Variants in DEFB124 observed in about 807,000 individuals in gnomAD.
DEFB124 encodes beta-defensin 124.
For missense variants in DEFB124, 78 were observed against 83.1 expected (o/e 0.94, Z 0.24); for synonymous variants, 38 against 36.5 (o/e 1.04, Z -0.15).
intron 1 of DEFB124, among the ~76,000 whole-genome samples, chr20:31,473,873 C>T (rs1372821573): frequency 6.6e-6 from 1 of 152,212 alleles, no homozygotes; most frequent in Non-Finnish European, 1.5e-5. Context: ...GATTCTAACA[C>T]ACCGCCAAAG....
chr20:31,471,025 C>A (rs1345751820), intron 2 of DEFB124, among the ~76,000 whole-genome samples: 1 of 144,128 alleles, frequency 6.9e-6, no homozygotes, highest in Non-Finnish European at 1.5e-5. Context: ...CACCTCCCTC[C>A]CGGACGGGGC....
At chr20:31,472,451 G>GAGGGGAT (rs1568758993) in intron 2 of DEFB124, 1 of 145,604 alleles carries the variant, frequency 6.9e-6, no homozygotes, top group East Asian at 2.1e-4. Flanking sequence ...GGAGAGGGGA[G>GAGGGGAT]AGGGGAGAGG....
At position 31,472,945 on chromosome 20, in the gene DEFB124, G is replaced by A. The variant is rs763994891; in HGVS notation, c.58+11C>T. 3.7e-6 allele frequency: 6 copies of A among 1,610,696 alleles called. No homozygotes were observed. The highest frequency in any genetic ancestry group is 1.7e-5 in the Admixed American group (1 of 59,824). The stretch of plus-strand genomic sequence containing the variant: ...CACACACACACACACACATGCACAC[G>A]ATGTTGTTACCTGATGGCACATGAC... On this transcript the variant is annotated intron_variant, in intron 2 of 2. Coordinates refer to ENST00000317676, the MANE Select transcript of DEFB124 (RefSeq NM_001037500.2).
At chr20:31,473,290 G>T (rs1334022315) in intron 1 of DEFB124, among the ~76,000 whole-genome samples, 1 of 152,174 alleles carries the variant, frequency 6.6e-6, no homozygotes, top group African/African-American at 2.4e-5. Context: ...TCAGAAACTA[G>T]ACATCTTCCC....
intron 2 of DEFB124, among the ~76,000 whole-genome samples, chr20:31,471,646 C>A (rs1440344522): frequency 7.0e-6 from 1 of 142,748 alleles, no homozygotes; most frequent in African/African-American, 2.7e-5. Context: ...ACTTCTCAGA[C>A]GGGGCAGCTG....
chr20:31,474,585 A>T (rs1294080497), intron 1 of DEFB124, among the ~76,000 whole-genome samples, 42 bp downstream of exon 1: 1 of 152,188 alleles, frequency 6.6e-6, no homozygotes, highest in Non-Finnish European at 1.5e-5. Context: ...GGCCCCTTGG[A>T]TGGCCGACGT....
intron 2 of DEFB124, 31 bp downstream of exon 2, chr20:31,472,917 GCACACACA>G (rs34150499): frequency 3.9e-6 from 6 of 1,524,350 alleles, no homozygotes; most frequent in African/African-American, 2.8e-5. Flanking sequence ...GCACACATGT[GCACACACA>G]CACACACACA....
chr20:31,469,729 G>A (rs879741245), intron 2 of DEFB124, among the ~76,000 whole-genome samples: 1 of 149,120 alleles, frequency 6.7e-6, no homozygotes, highest in Admixed American at 6.6e-5. Context: ...ACCCTGAGTG[G>A]ACACAGCACA....
Position 31,472,979 on chromosome 20 carries a change from A to G in DEFB124, c.35T>C (p.Leu12Pro). Residue 12 changes from leucine to proline, a missense_variant, in exon 2 of 3, where the codon CTG (leucine) becomes CCG (proline). Physicochemically the swap from Leu to Pro is moderately conservative, Grantham distance 98 (BLOSUM62 -3). Coordinates refer to ENST00000317676, the MANE Select transcript of DEFB124 (RefSeq NM_001037500.2). ...TQLLLFLVAL[L>P]VLGHVPSGRS... is the part of the protein sequence containing the mutation. ...ACCTGATGGCACATGACCCAGAACCAGGAGAGCCACAAGGAACAGAAGCAG... is the reference window on the plus strand; with the variant it reads ...ACCTGATGGCACATGACCCAGAACCGGGAGAGCCACAAGGAACAGAAGCAG... 4 of 1,614,084 alleles carry G rather than the reference A, an allele frequency of 2.5e-6. No individual in the cohort carries two copies. Among genetic ancestry groups the G allele is most frequent in the Non-Finnish European group, 3.4e-6 (4 of 1,180,012 alleles).
chr20:31,466,515 G>A (rs1054508575), intron 2 of DEFB124, among the ~76,000 whole-genome samples: 2 of 151,252 alleles, frequency 1.3e-5, no homozygotes, highest in East Asian at 1.9e-4. Flanking sequence ...CAGAAGAATC[G>A]CTTGAACCCG....
chr20:31,471,471 A>C (rs1235905480), intron 2 of DEFB124, among the ~76,000 whole-genome samples: 98 of 39,092 alleles, frequency 2.5e-3, no homozygotes, highest in Admixed American at 3.9e-3. Context: ...GACCCCCCCC[A>C]CCTCCCTCCC....
chr20:31,469,144 C>T (rs974721850), intron 2 of DEFB124, among the ~76,000 whole-genome samples: 26 of 152,088 alleles, frequency 1.7e-4, no homozygotes, highest in Non-Finnish European at 3.4e-4. Context: ...AACTCTGGGC[C>T]GGGCATGGTG....
chr20:31,469,643 G>A (rs1368100654), intron 2 of DEFB124, among the ~76,000 whole-genome samples: 1 of 148,710 alleles, frequency 6.7e-6, no homozygotes, highest in Non-Finnish European at 1.5e-5. Context: ...AGGGAGTGGT[G>A]ATGATTCTTA....
chr20:31,470,673 C>A (rs1339730284), intron 2 of DEFB124, among the ~76,000 whole-genome samples: 1 of 139,956 alleles, frequency 7.1e-6, no homozygotes, highest in African/African-American at 2.7e-5. Flanking sequence ...CCCCACCTCC[C>A]TCCCGGACAG....
Position 31,465,552 on chromosome 20 carries a change from G to T in DEFB124, c.170C>A (p.Ser57Tyr), listed in dbSNP as rs780967965. ...GACCGGTGGAGGTTTCAATGCATAG[G>T]AGAGACAGCACAGGGACGCATCCGG... ...LCPDASLCCLSYALKPPPVPK... is the reference protein window; with the variant it reads ...LCPDASLCCLYYALKPPPVPK... Residue 57 changes from serine to tyrosine, a missense_variant, in exon 3 of 3, where the codon TCC becomes TAC. Transcript: ENST00000317676. 1 of 1,614,190 alleles carries T rather than the reference G, an allele frequency of 6.2e-7. No individual in the cohort carries two copies. The highest frequency in any genetic ancestry group is 8.5e-7 in the Non-Finnish European group (1 of 1,180,034).
chr20:31,471,627 G>T (rs1980313406), intron 2 of DEFB124, among the ~76,000 whole-genome samples: 1 of 145,086 alleles, frequency 6.9e-6, no homozygotes, highest in Non-Finnish European at 1.5e-5. Flanking sequence ...CCGGGCAGAG[G>T]GGCTCCTCAC....
At chr20:31,471,125 C>T (rs1600568608) in intron 2 of DEFB124, among the ~76,000 whole-genome samples, 3 of 127,056 alleles carry the variant, frequency 2.4e-5, no homozygotes, top group African/African-American at 3.0e-5. Context: ...GGCGGCTGGC[C>T]GGGCGGGGGG....
intron 2 of DEFB124, among the ~76,000 whole-genome samples, chr20:31,469,204 C>A (rs147719897): frequency 0.015 from 2,241 of 152,226 alleles, 43 homozygotes; most frequent in African/African-American, 0.052. Context: ...GGGTCAATCA[C>A]CTGAGGTCAG....
chr20:31,473,065 C>T (rs370167790), intron 1 of DEFB124, 27 bp from the exon 2 acceptor site: 100 of 1,602,054 alleles, frequency 6.2e-5, no homozygotes, highest in Admixed American at 2.4e-4. Flanking sequence ...AGGAAAGACC[C>T]GAGCAGGCTG....
Sources: gnomAD v4.1 joint callset for allele counts (sites outside exome capture counted in the v4.1 genomes callset) on GRCh38, gnomAD v4.1.1 for gene constraint, MANE v1.5 for transcripts, NCBI Gene and HGNC (gene_info 2026-07-23, HGNC 2026-07-21) for gene names.